The following AGBL1 variants were observed in gnomAD, a reference collection of about 807,000 sequenced individuals.
AGBL1 encodes the protein AGBL carboxypeptidase 1, also known as cytosolic carboxypeptidase 4.
AGBL1 carries 130 observed loss-of-function variants against 118.9 expected under a neutral mutation model. That is an observed-to-expected ratio of 1.09 (90% CI 0.95 to 1.26). The LOEUF is 1.26. Among genes scored for constraint, AGBL1 ranks in the 50% most tolerant of loss-of-function variants. AGBL1 has a pLI of 0.00. For missense variants in AGBL1, 1,584 were observed against 1,298.1 expected (o/e 1.22, Z -3.38); for synonymous variants, 555 against 478.9 (o/e 1.16, Z -2.08).
intron 9 of AGBL1, among the ~76,000 whole-genome samples, chr15:86,260,770 C>T (rs2078969505): frequency 6.6e-6 from 1 of 152,156 alleles, no homozygotes; most frequent in African/African-American, 2.4e-5. Context: ...TGTCCAAAAG[C>T]TCCAACCTAT....
In AGBL1 at chr15:86,543,544, C is replaced by T. The variant is rs186512387; in HGVS notation, c.2686-2458C>T. 3.9e-5 allele frequency among the ~76,000 whole-genome samples: 6 copies of T among 152,306 alleles called. No homozygotes were observed. The East Asian group carries it at 7.7e-4, about 20-fold the overall frequency. On this transcript the variant is annotated intron_variant, in intron 19 of 22. Transcript: ENST00000614907. ...ATGATCTTTGGACCCCAAACTTCTA[C>T]ATCAGGAACTGGAGAAGTTAGAGGC...
intron 17 of AGBL1, among the ~76,000 whole-genome samples, chr15:86,311,926 A>G (rs2079927276): frequency 6.6e-6 from 1 of 152,262 alleles, no homozygotes; most frequent in South Asian, 2.1e-4. Flanking sequence ...TAATTGGGAC[A>G]GTGAATAATT....
chr15:86,414,737 A>C (rs2081666833), intron 18 of AGBL1, among the ~76,000 whole-genome samples: 1 of 152,192 alleles, frequency 6.6e-6, no homozygotes, highest in South Asian at 2.1e-4. Flanking sequence ...TAAACTATCT[A>C]GAGGAACATT....
At chr15:86,132,194 CT>C (rs1184344481) in intron 1 of AGBL1, among the ~76,000 whole-genome samples, 2 of 152,126 alleles carry the variant, frequency 1.3e-5, no homozygotes, top group African/African-American at 4.8e-5. Context: ...CATAATTCTG[CT>C]TTAGACTAGC....
At chr15:86,802,734 A>T (rs1320319394) in intron 22 of AGBL1, among the ~76,000 whole-genome samples, 1 of 152,156 alleles carries the variant, frequency 6.6e-6, no homozygotes, top group Non-Finnish European at 1.5e-5. Flanking sequence ...TCATGGAGCT[A>T]CTGAACATAA....
chr15:86,307,017 A>G (rs2079851932), intron 17 of AGBL1, among the ~76,000 whole-genome samples: 1 of 152,006 alleles, frequency 6.6e-6, no homozygotes, highest in Non-Finnish European at 1.5e-5. Context: ...CGGATCATTC[A>G]ATTTTTTCCT....
At chr15:86,548,257 C>T (rs1277070827) in intron 20 of AGBL1, among the ~76,000 whole-genome samples, 3 of 152,112 alleles carry the variant, frequency 2.0e-5, no homozygotes, top group Non-Finnish European at 2.9e-5. Flanking sequence ...ACATGTTAAA[C>T]TTATCTAAGA....
chr15:86,900,836 G>A (rs543457770), intron 22 of AGBL1, among the ~76,000 whole-genome samples: 4 of 152,202 alleles, frequency 2.6e-5, no homozygotes, highest in Non-Finnish European at 4.4e-5. Flanking sequence ...GAAAGACTGT[G>A]CTACCCTTCA....
intron 6 of AGBL1, among the ~76,000 whole-genome samples, chr15:86,237,138 C>A (rs914051647): frequency 6.6e-6 from 1 of 152,112 alleles, no homozygotes; most frequent in Non-Finnish European, 1.5e-5. Context: ...TTAAAAGAAA[C>A]AAAAACTTCC....
chr15:86,547,792 G>A (rs752008640), intron 20 of AGBL1, among the ~76,000 whole-genome samples: 66 of 152,122 alleles, frequency 4.3e-4, no homozygotes, highest in Admixed American at 9.8e-4. Flanking sequence ...GTGAAATTAG[G>A]AAGTTAAATT....
At chr15:87,007,378 G>A (rs2081515663) in intron 24 of AGBL1, among the ~76,000 whole-genome samples, 1 of 152,096 alleles carries the variant, frequency 6.6e-6, no homozygotes, top group African/African-American at 2.4e-5. Flanking sequence ...ATTGCTTTTA[G>A]CTAAACTATT....
chr15:86,350,623 G>A (rs1432248862), intron 17 of AGBL1, among the ~76,000 whole-genome samples: 2 of 152,096 alleles, frequency 1.3e-5, no homozygotes, highest in East Asian at 1.9e-4. Flanking sequence ...TGGTATCTAC[G>A]GACACGGGCT....
intron 18 of AGBL1, among the ~76,000 whole-genome samples, chr15:86,410,807 G>GATATATATATATATATATATAT (rs36127489): frequency 4.7e-4 from 19 of 40,356 alleles, no homozygotes; most frequent in African/African-American, 8.0e-4. Flanking sequence ...GTCAAATGTA[G>GATATATATATATATATATATAT]ATATATATAT....
intron 22 of AGBL1, among the ~76,000 whole-genome samples, chr15:86,771,311 T>A (rs145784412): frequency 6.6e-6 from 1 of 152,186 alleles, no homozygotes; most frequent in Admixed American, 6.5e-5. Flanking sequence ...GCAATACAGA[T>A]GTTATTCTAC....
chr15:87,006,487 G>A (rs947276059), intron 24 of AGBL1, among the ~76,000 whole-genome samples: 19 of 152,184 alleles, frequency 1.2e-4, no homozygotes, highest in African/African-American at 3.6e-4. Flanking sequence ...GGTACCCTCC[G>A]AGCCAGGCAC....
At chr15:86,149,551 A>G (rs936265500) in intron 3 of AGBL1, among the ~76,000 whole-genome samples, 3 of 152,238 alleles carry the variant, frequency 2.0e-5, no homozygotes, top group African/African-American at 7.2e-5. Context: ...ATAATGGTAA[A>G]GGGATCAATT....
intron 22 of AGBL1, among the ~76,000 whole-genome samples, chr15:86,897,466 A>T (rs2141572408): frequency 6.6e-6 from 1 of 152,118 alleles, no homozygotes; most frequent in Admixed American, 6.5e-5. Flanking sequence ...TTATTGTTTT[A>T]CTTTCACATC....
intron 18 of AGBL1, among the ~76,000 whole-genome samples, chr15:86,427,110 A>C (rs1035267345): frequency 1.3e-5 from 2 of 152,226 alleles, no homozygotes; most frequent in Non-Finnish European, 2.9e-5. Flanking sequence ...CTAAAGAAAA[A>C]AAAATTGACT....
chr15:86,478,521 A>C (rs970762107), intron 18 of AGBL1, among the ~76,000 whole-genome samples: 2 of 152,202 alleles, frequency 1.3e-5, no homozygotes, highest in African/African-American at 4.8e-5. Flanking sequence ...AATCCAACTT[A>C]CAAGGGATGT....
Sources: gnomAD v4.1 joint callset for allele counts (sites outside exome capture counted in the v4.1 genomes callset) on GRCh38, gnomAD v4.1.1 for gene constraint, MANE v1.5 for transcripts, NCBI Gene and HGNC (gene_info 2026-07-23, HGNC 2026-07-21) for gene names.